The following MDGA2 variants were observed in gnomAD, a reference collection of about 807,000 sequenced individuals.
MDGA2 encodes the protein MAM domain-containing glycosylphosphatidylinositol anchor protein 2.
MDGA2 carries 40 observed loss-of-function variants against 117.8 expected under a neutral mutation model. The ratio of observed to expected loss-of-function variants is 0.34; its 90% CI spans 0.26 to 0.44. The LOEUF is 0.44. Among genes scored for constraint, MDGA2 ranks in the 20% least tolerant of loss-of-function variants. The pLI, the probability that MDGA2 is intolerant of heterozygous loss-of-function variation, is 1.00. For synonymous variants in MDGA2, 452 were observed against 439.0 expected (o/e 1.03, Z -0.37); for missense variants, 1,123 against 1,250.6 (o/e 0.90, Z 1.54).
At chr14:47,376,587 A>G (rs1159414232) in intron 1 of MDGA2, among the ~76,000 whole-genome samples, 1 of 152,038 alleles carries the variant, frequency 6.6e-6, no homozygotes, top group Non-Finnish European at 1.5e-5. Context: ...TAGGGGATTA[A>G]AATCTGATAA....
chr14:47,469,239 T>C (rs992294624), intron 1 of MDGA2, among the ~76,000 whole-genome samples: 4 of 152,016 alleles, frequency 2.6e-5, no homozygotes, highest in African/African-American at 9.7e-5. Flanking sequence ...ATGTGCCATG[T>C]TGGTGTGCTG....
chr14:47,450,329 C>T (rs373686836), intron 1 of MDGA2, among the ~76,000 whole-genome samples: 8 of 151,768 alleles, frequency 5.3e-5, no homozygotes, highest in African/African-American at 9.7e-5. Context: ...AAAATAGTAT[C>T]CCCCAAGGCA....
At chr14:47,390,947 C>G (rs565547108) in intron 1 of MDGA2, among the ~76,000 whole-genome samples, 2 of 152,228 alleles carry the variant, frequency 1.3e-5, no homozygotes, top group East Asian at 3.9e-4. Flanking sequence ...TTCTATTTTT[C>G]CAACCCTTAT....
At chr14:47,247,636 TTATTA>T (rs1887291450) in intron 2 of MDGA2, among the ~76,000 whole-genome samples, 6 of 121,016 alleles carry the variant, frequency 5.0e-5, no homozygotes, top group Admixed American at 1.6e-4. Context: ...TACATATTTA[TTATTA>T]TTATTATTAT....
At chr14:46,875,296 A>G (rs905287366) in intron 12 of MDGA2, among the ~76,000 whole-genome samples, 3 of 151,900 alleles carry the variant, frequency 2.0e-5, no homozygotes, top group Non-Finnish European at 3.0e-5. Flanking sequence ...GAGATCATGT[A>G]CCTGAATTAA....
intron 1 of MDGA2, among the ~76,000 whole-genome samples, chr14:47,394,752 A>T (rs184519168): frequency 1.4e-4 from 21 of 152,312 alleles, no homozygotes; most frequent in Admixed American, 1.1e-3. Context: ...GTCAAATTAA[A>T]ACAAAAATAT....
At chr14:47,432,200 G>A (rs1566453742) in intron 1 of MDGA2, among the ~76,000 whole-genome samples, 1 of 151,930 alleles carries the variant, frequency 6.6e-6, no homozygotes, top group Non-Finnish European at 1.5e-5. Flanking sequence ...TCTTAGTTTT[G>A]TGGTTAAAAA....
intron 8 of MDGA2, among the ~76,000 whole-genome samples, chr14:46,992,231 GTA>G (rs1221163198): frequency 6.6e-6 from 1 of 152,108 alleles, no homozygotes; most frequent in Admixed American, 6.6e-5. Context: ...ATAATAATCT[GTA>G]GTAAATCTAA....
chr14:47,136,368 T>C (rs1350474504), intron 4 of MDGA2, among the ~76,000 whole-genome samples: 5 of 151,982 alleles, frequency 3.3e-5, no homozygotes, highest in Admixed American at 3.3e-4. Context: ...GGATAATTTT[T>C]ATATTTTTAG....
chr14:47,152,062 C>G (rs1164151221), intron 3 of MDGA2, among the ~76,000 whole-genome samples: 1 of 152,006 alleles, frequency 6.6e-6, no homozygotes, highest in African/African-American at 2.4e-5. Context: ...TTTGGCTGAT[C>G]AAATGTGCCA....
intron 3 of MDGA2, among the ~76,000 whole-genome samples, chr14:47,202,824 A>G (rs1271564514): frequency 1.3e-5 from 2 of 149,288 alleles, no homozygotes; most frequent in East Asian, 3.9e-4. Context: ...AATGACCTTA[A>G]TGCCCAAGTT....
chr14:46,845,641 T>C, intron 16 of MDGA2, 125 bp downstream of exon 16: 1 of 582,382 alleles, frequency 1.7e-6, no homozygotes, highest in Admixed American at 3.3e-5. Context: ...GTATTACATA[T>C]AAGAAATTTC....
intron 8 of MDGA2, among the ~76,000 whole-genome samples, chr14:47,012,506 G>A (rs975217713): frequency 6.6e-6 from 1 of 152,076 alleles, no homozygotes; most frequent in Admixed American, 6.6e-5. Flanking sequence ...CCTAGGTTAG[G>A]AAAGTAACAT....
rs137890834 is a variant in MDGA2, at chr14:47,251,931, GTAT to G, written c.421-33739_421-33737del. On this transcript the variant is annotated intron_variant, in intron 2 of 16. Coordinates refer to ENST00000399232, the MANE Select transcript of MDGA2 (RefSeq NM_001113498.3). ...ACTCAGAACAAGGTTGGTTTCTCTT[GTAT>G]TATTATTATTATTATTATTATTGGT... Among the ~76,000 whole-genome samples, 74 of 150,418 alleles carry G rather than the reference GTAT, an allele frequency of 4.9e-4. No individual in the cohort carries two copies. The South Asian group carries it at 6.7e-3, about 14-fold the overall frequency.
intron 1 of MDGA2, among the ~76,000 whole-genome samples, chr14:47,377,230 T>C (rs1299427811): frequency 2.6e-5 from 4 of 151,998 alleles, no homozygotes; most frequent in South Asian, 2.1e-4. Flanking sequence ...TGAAGAAAAA[T>C]ATACTGGATT....
intron 1 of MDGA2, among the ~76,000 whole-genome samples, chr14:47,585,418 C>A (rs940495902): frequency 2.0e-5 from 3 of 151,888 alleles, no homozygotes; most frequent in Non-Finnish European, 4.4e-5. Flanking sequence ...AATTACTGAT[C>A]TCTAACCCCA....
chr14:47,599,642 T>C (rs558448792), intron 1 of MDGA2, among the ~76,000 whole-genome samples: 7 of 152,322 alleles, frequency 4.6e-5, no homozygotes, highest in Non-Finnish European at 5.9e-5. Context: ...TCTAAAATTA[T>C]ACTAATGTAG....
At chr14:47,558,617 T>C (rs1389726122) in intron 1 of MDGA2, among the ~76,000 whole-genome samples, 1 of 152,228 alleles carries the variant, frequency 6.6e-6, no homozygotes, top group Non-Finnish European at 1.5e-5. Context: ...AGAGCACACG[T>C]GCACATCCTC....
chr14:46,906,729 G>T (rs1356135820), intron 10 of MDGA2, among the ~76,000 whole-genome samples: 1 of 151,976 alleles, frequency 6.6e-6, no homozygotes, highest in Non-Finnish European at 1.5e-5. Context: ...TTGAATCACT[G>T]TAATATTCCC....
Sources: allele counts gnomAD v4.1 joint callset (sites outside exome capture counted in the v4.1 genomes callset), GRCh38; gene constraint gnomAD v4.1.1; transcripts MANE v1.5; gene names NCBI Gene and HGNC (gene_info 2026-07-23, HGNC 2026-07-21).